Variants in TMIGD3 observed in about 807,000 individuals in gnomAD.
TMIGD3 encodes AD026 protein (AD026).
In TMIGD3, 21 loss-of-function variants were observed where a neutral mutation model predicts 28.1. The ratio of observed to expected loss-of-function variants is 0.75; its 90% CI spans 0.53 to 1.08. The LOEUF (loss-of-function observed/expected upper bound fraction) is 1.08. Ranked by LOEUF, TMIGD3 falls within the 50% of genes least tolerant of loss-of-function variation. The probability of loss-of-function intolerance (pLI) is 0.00; values close to 1 mark genes in which losing one functional copy is unlikely to be tolerated. For missense variants in TMIGD3, 416 were observed against 435.6 expected (o/e 0.96, Z 0.40); for synonymous variants, 151 against 162.1 (o/e 0.93, Z 0.52).
At chr1:111,516,792 G>A (rs1444792814) in intron 1 of TMIGD3, among the ~76,000 whole-genome samples, 1 of 152,202 alleles carries the variant, frequency 6.6e-6, no homozygotes, top group African/African-American at 2.4e-5. Context: ...ATAAGGTGAA[G>A]GGGGCCCTCA....
At chr1:111,508,003 G>A (rs1655568940), upstream of TMIGD3, among the ~76,000 whole-genome samples, 1 of 152,234 alleles carries the variant, frequency 6.6e-6, no homozygotes, top group South Asian at 2.1e-4. Context: ...CCCAGCCACT[G>A]AGGCCAATCC....
rs1412269248 is a variant in TMIGD3, at chr1:111,532,827, C to G, written c.107+31019G>C. Among the ~76,000 whole-genome samples the G allele has an allele frequency of 4.6e-5, 7 of 152,136 alleles. 1 individual carries two copies. In the East Asian group the frequency reaches 1.2e-3, roughly 25 times the overall value. ...ACACTCCTTCTTCCAGAAACCTCAGCTCTAGTCCAAGGGTGAAGATGGATG... is the reference window on the plus strand; with the variant it reads ...ACACTCCTTCTTCCAGAAACCTCAGGTCTAGTCCAAGGGTGAAGATGGATG... On this transcript the variant is annotated intron_variant, in intron 1 of 5. Transcript: ENST00000369717.
chr1:111,504,572 G>C (rs1247761134), upstream of TMIGD3, among the ~76,000 whole-genome samples: 4 of 152,254 alleles, frequency 2.6e-5, no homozygotes. Context: ...AGGCGTGTTA[G>C]AGAGGCAGCA....
Position 111,503,109 on chromosome 1 carries a change from G to A in TMIGD3, c.246C>T (p.Ser82=). ...GCAGTAGGCAAGTCATAAAAAGGCAGCTGTAGAAGTGGATTGTGATGCCCA... is the reference window on the plus strand; with the variant it reads ...GCAGTAGGCAAGTCATAAAAAGGCAACTGTAGAAGTGGATTGTGATGCCCA... ...VSLGITIHFY[S]CLFMTCLLLI... The change falls in exon 1 of 6, where the codon AGC becomes AGT. Residue 82 remains serine, a synonymous_variant. Coordinates refer to ENST00000369716, the MANE Select transcript of TMIGD3 (RefSeq NM_020683.7). 4.3e-6 allele frequency: 7 copies of A among 1,614,232 alleles called. No individual in the cohort carries two copies.
chr1:111,553,258 C>T (rs1245933958), intron 1 of TMIGD3, among the ~76,000 whole-genome samples: 1 of 152,216 alleles, frequency 6.6e-6, no homozygotes, highest in Non-Finnish European at 1.5e-5. Context: ...TGCACACATT[C>T]CATTATAGAA....
At chr1:111,486,154 G>T (rs995343459) in intron 4 of TMIGD3, among the ~76,000 whole-genome samples, 2 of 152,104 alleles carry the variant, frequency 1.3e-5, no homozygotes, top group African/African-American at 2.4e-5. Flanking sequence ...ACCATAAATG[G>T]ATGACTATTA....
chr1:111,552,246 T>C (rs899313637), intron 1 of TMIGD3, among the ~76,000 whole-genome samples: 4 of 152,190 alleles, frequency 2.6e-5, no homozygotes, highest in Non-Finnish European at 5.9e-5. Flanking sequence ...AATGACGACA[T>C]TCATTCTCCT....
chr1:111,556,653 C>G (rs941950897), intron 1 of TMIGD3, among the ~76,000 whole-genome samples: 4 of 152,082 alleles, frequency 2.6e-5, no homozygotes, highest in Non-Finnish European at 4.4e-5. Context: ...TCAGTCACAA[C>G]AAGATGAATA....
chr1:111,504,031 C>T (rs1655387245), upstream of TMIGD3: 4 of 985,334 alleles, frequency 4.1e-6, no homozygotes, highest in South Asian at 1.9e-4. Context: ...GTGGCAGCCT[C>T]CTAACCTTAG....
intron 1 of TMIGD3, among the ~76,000 whole-genome samples, chr1:111,521,932 A>G (rs1482350086): frequency 6.6e-6 from 1 of 152,178 alleles, no homozygotes; most frequent in African/African-American, 2.4e-5. Context: ...TAATTTTTGT[A>G]TATGGTATGA....
At chr1:111,498,725 G>A (rs1287432963) in intron 1 of TMIGD3, among the ~76,000 whole-genome samples, 1 of 152,122 alleles carries the variant, frequency 6.6e-6, no homozygotes, top group African/African-American at 2.4e-5. Context: ...GATCATTATA[G>A]TGGTACCTAC....
Position 111,484,709 on chromosome 1 carries a change from A to G in TMIGD3, c.974-952T>C, listed in dbSNP as rs75985079. Among the ~76,000 whole-genome samples the G allele has an allele frequency of 5.4e-3, 827 of 152,346 alleles. 8 individuals carry two copies. The highest frequency in any genetic ancestry group is 0.019 in the African/African-American group (786 of 41,582). On this transcript the variant is annotated intron_variant, in intron 5 of 5. Transcript: ENST00000369716. ...TTCTTCTGGCTATGGATCCTGGTGT[A>G]TCACTAGCAAGGGTTACTAGGAGTG...
At chr1:111,519,917 T>G (rs113801077) in intron 1 of TMIGD3, among the ~76,000 whole-genome samples, 1,549 of 152,262 alleles carry the variant, frequency 0.01, 18 homozygotes, top group African/African-American at 0.035. Context: ...GGTCTCGAAC[T>G]CCTGACCTCA....
At chr1:111,498,185 A>C (rs922053920) in intron 1 of TMIGD3, among the ~76,000 whole-genome samples, 10 of 152,268 alleles carry the variant, frequency 6.6e-5, no homozygotes, top group African/African-American at 2.4e-4. Context: ...AAGTAGGTTC[A>C]GGATAAACCT....
intron 1 of TMIGD3, among the ~76,000 whole-genome samples, chr1:111,524,720 A>G (rs977168160): frequency 1.3e-5 from 2 of 152,080 alleles, no homozygotes; most frequent in Admixed American, 6.5e-5. Flanking sequence ...CCCGGGTTTA[A>G]GTGATTCTCC....
At chr1:111,520,092 C>T (rs1656005970) in intron 1 of TMIGD3, among the ~76,000 whole-genome samples, 1 of 152,172 alleles carries the variant, frequency 6.6e-6, no homozygotes, top group Non-Finnish European at 1.5e-5. Flanking sequence ...GAACCTCTTT[C>T]CATATGGTCT....
Position 111,488,749 on chromosome 1 carries a change from C to A in TMIGD3, c.733G>T (p.Asp245Tyr). ...ACAATCAGCTCTGTAAAATCCATGTCATCCCTGGCAAAGTCCCGCTGGATG... is the reference window on the plus strand; with the variant it reads ...ACAATCAGCTCTGTAAAATCCATGTAATCCCTGGCAAAGTCCCGCTGGATG... The part of the protein sequence containing the change: ...CGIQRDFARD[D>Y]MDFTELIVTD... The change falls in exon 3 of 6, where the codon GAC (aspartate) becomes TAC (tyrosine). Residue 245 changes from aspartate (D) to tyrosine (Y), a missense_variant. Physicochemically the swap from Asp to Tyr is radical, Grantham distance 160. Coordinates refer to ENST00000369716, the MANE Select transcript of TMIGD3 (RefSeq NM_020683.7). 2 of 1,614,222 alleles carry A rather than the reference C, an allele frequency of 1.2e-6. No individual in the cohort carries two copies. Among genetic ancestry groups the A allele is most frequent in the Non-Finnish European group, 1.7e-6 (2 of 1,180,034 alleles).
At chr1:111,559,199 G>T (rs1657633135) in intron 1 of TMIGD3, among the ~76,000 whole-genome samples, 1 of 152,066 alleles carries the variant, frequency 6.6e-6, no homozygotes, top group African/African-American at 2.4e-5. Context: ...AGAGGGAAAT[G>T]CACAGTCTTA....
At chr1:111,493,758 G>A (rs1654767689) in intron 1 of TMIGD3, among the ~76,000 whole-genome samples, 1 of 152,208 alleles carries the variant, frequency 6.6e-6, no homozygotes, top group South Asian at 2.1e-4. Flanking sequence ...CATTCACACA[G>A]CTAGTAGAGC....
Sources: gnomAD v4.1 joint callset for allele counts (sites outside exome capture counted in the v4.1 genomes callset) on GRCh38, gnomAD v4.1.1 for gene constraint, MANE v1.5 for transcripts, NCBI Gene and HGNC (gene_info 2026-07-23, HGNC 2026-07-21) for gene names.